Variants in EXOC4 observed in about 807,000 individuals in gnomAD.
EXOC4 encodes the protein exocyst complex component 4.
In EXOC4, 71 loss-of-function variants were observed where a neutral mutation model predicts 107.2. That is an observed-to-expected ratio of 0.66 (90% confidence interval 0.55 to 0.81). The LOEUF is 0.81. EXOC4 is among the 30% of genes least tolerant of loss of function. The probability of loss-of-function intolerance (pLI) is 0.00; values close to 1 mark genes in which losing one functional copy is unlikely to be tolerated. For missense variants in EXOC4, 1,108 were observed against 1,189.6 expected (o/e 0.93, Z 1.01); for synonymous variants, 456 against 441.2 (o/e 1.03, Z -0.42).
intron 12 of EXOC4, among the ~76,000 whole-genome samples, chr7:133,901,513 AT>A (rs1799450585): frequency 6.6e-6 from 1 of 152,280 alleles, no homozygotes; most frequent in South Asian, 2.1e-4. Flanking sequence ...TACTATTTAT[AT>A]GACACTGAAA....
chr7:134,037,027 A>G (rs940447373), intron 17 of EXOC4, among the ~76,000 whole-genome samples: 2 of 152,218 alleles, frequency 1.3e-5, no homozygotes, highest in African/African-American at 4.8e-5. Context: ...AATGTGTAAG[A>G]GGATTCTAGC....
intron 10 of EXOC4, among the ~76,000 whole-genome samples, chr7:133,816,667 G>C (rs1222659994): frequency 3.3e-5 from 5 of 152,158 alleles, no homozygotes; most frequent in African/African-American, 1.2e-4. Flanking sequence ...TGTTTCCACG[G>C]ACAAGGGTTG....
At chr7:134,065,997 GGT>G (rs1796169876), downstream of EXOC4, 1 of 152,290 alleles carries the variant, frequency 6.6e-6, no homozygotes, top group African/African-American at 2.4e-5. Context: ...GGCAGCTGGA[GGT>G]TCCAGGGGAT....
intron 10 of EXOC4, among the ~76,000 whole-genome samples, chr7:133,757,580 A>G (rs1585125385): frequency 1.3e-5 from 2 of 152,356 alleles, no homozygotes; most frequent in South Asian, 2.1e-4. Flanking sequence ...AAAAAGGACA[A>G]TAATCCCACA....
chr7:133,259,488 A>G (rs1197116568), intron 1 of EXOC4, among the ~76,000 whole-genome samples: 3 of 152,010 alleles, frequency 2.0e-5, no homozygotes, highest in Admixed American at 6.6e-5. Flanking sequence ...CGGCCTCCCA[A>G]AGTGTTGGGA....
intron 7 of EXOC4, among the ~76,000 whole-genome samples, chr7:133,387,597 TC>T (rs1261441456): frequency 6.6e-6 from 1 of 152,222 alleles, no homozygotes; most frequent in Non-Finnish European, 1.5e-5. Flanking sequence ...AAGGGGGTTT[TC>T]TAGGTTGCTT....
intron 12 of EXOC4, among the ~76,000 whole-genome samples, chr7:133,904,780 G>T (rs1563051653): frequency 6.6e-6 from 1 of 152,210 alleles, no homozygotes; most frequent in Admixed American, 6.5e-5. Flanking sequence ...TGCCCCCACG[G>T]TGCTGTTGCT....
intron 13 of EXOC4, chr7:133,930,515 A>G (rs1800152527): frequency 6.6e-6 from 1 of 152,058 alleles, no homozygotes; most frequent in Admixed American, 6.6e-5. Flanking sequence ...AGTTTCTAGT[A>G]TCAGTTTTCA....
intron 2 of EXOC4, among the ~76,000 whole-genome samples, chr7:133,276,306 G>A (rs1793989426): frequency 6.6e-6 from 1 of 152,110 alleles, no homozygotes; most frequent in Non-Finnish European, 1.5e-5. Flanking sequence ...GGGTTATGTA[G>A]TATAACATTA....
chr7:133,471,564 G>A (rs1448543838), intron 7 of EXOC4, among the ~76,000 whole-genome samples: 2 of 152,198 alleles, frequency 1.3e-5, no homozygotes, highest in African/African-American at 4.8e-5. Flanking sequence ...CATTTAGCCT[G>A]TGGTTAAAAA....
At chr7:134,100,000 C>T in the EXOC4 span, among the ~76,000 whole-genome samples, 1 of 151,906 alleles carries the variant, frequency 6.6e-6, no homozygotes, top group Non-Finnish European at 1.5e-5. Flanking sequence ...AGCCACTGCA[C>T]CTGGCCCTCC....
intron 17 of EXOC4, 68 bp from the exon 18 acceptor site, chr7:134,064,223 T>C: frequency 1.9e-5 from 20 of 1,056,310 alleles, no homozygotes; most frequent in Non-Finnish European, 2.7e-5. Context: ...ATAGACAGCG[T>C]ATTTGTCCCC....
At chr7:133,305,238 G>T (rs1289505373) in intron 3 of EXOC4, among the ~76,000 whole-genome samples, 3 of 152,108 alleles carry the variant, frequency 2.0e-5, no homozygotes, top group Non-Finnish European at 4.4e-5. Flanking sequence ...TGCACCGGGA[G>T]TATCTTCCTC....
rs868259276 is a variant in EXOC4, at chr7:133,294,897, C to T, written c.471+5781C>T. Among the ~76,000 whole-genome samples the T allele has an allele frequency of 7.2e-5, 11 of 152,072 alleles. 1 individual carries two copies. Among genetic ancestry groups the T allele is most frequent in the African/African-American group, 2.7e-4 (11 of 41,432 alleles). ...AGGTCGTCTGATGCTTGAATCCCAG[C>T]TTTGACTCTTAGTAGCTGGATGACT... On this transcript the variant is annotated intron_variant, in intron 3 of 17. Transcript: ENST00000253861.
chr7:133,479,385 C>T (rs1799099182), intron 8 of EXOC4: 2 of 152,104 alleles, frequency 1.3e-5, no homozygotes, highest in South Asian at 2.1e-4. Context: ...TGTTTCTAAC[C>T]TCTGAAATAG....
At chr7:133,306,772 A>G (rs1019486022) in intron 4 of EXOC4, among the ~76,000 whole-genome samples, 3 of 152,044 alleles carry the variant, frequency 2.0e-5, no homozygotes, top group East Asian at 1.9e-4. Flanking sequence ...ACTTAGGGTT[A>G]TGTTCAGCTT....
chr7:133,843,672 TG>T (rs1798065964), intron 11 of EXOC4, among the ~76,000 whole-genome samples: 1 of 152,182 alleles, frequency 6.6e-6, no homozygotes, highest in African/African-American at 2.4e-5. Flanking sequence ...TTTGTCTGAT[TG>T]CTGTGTCCAG....
chr7:133,597,335 C>G lies in EXOC4; in HGVS notation c.1418-32710C>G, dbSNP rs539741389. Among the ~76,000 whole-genome samples the G allele has an allele frequency of 4.0e-5, 6 of 151,786 alleles. No individual in the cohort carries two copies. The East Asian group carries it at 1.2e-3, about 30-fold the overall frequency. On this transcript the variant is annotated intron_variant, in intron 9 of 17. Coordinates refer to ENST00000253861, the MANE Select transcript of EXOC4 (RefSeq NM_021807.4). Reference sequence around the variant, plus strand: ...TTGGGAGGCCGAGGCGGGTGGATCACCTAAGATTAGGAGATCCAGACCAGC... The same window carrying G: ...TTGGGAGGCCGAGGCGGGTGGATCAGCTAAGATTAGGAGATCCAGACCAGC...
rs538176778 is a variant in EXOC4 at position 133,264,910 on chromosome 7, A to G, written c.87-10072A>G. Among the ~76,000 whole-genome samples, 4 of 152,266 alleles carry G rather than the reference A, an allele frequency of 2.6e-5. No individual in the cohort carries two copies. In the East Asian group the frequency reaches 7.7e-4, roughly 29 times the overall value. ...AGGCTTTTGTTTCCCTGATGACATA[A>G]TAGGTATATGGTACTGTCAGCCATT... On this transcript the variant is annotated intron_variant, in intron 1 of 17. Coordinates refer to ENST00000253861, the MANE Select transcript of EXOC4 (RefSeq NM_021807.4).
Sources: gnomAD v4.1 joint callset for allele counts (sites outside exome capture counted in the v4.1 genomes callset) on GRCh38, gnomAD v4.1.1 for gene constraint, MANE v1.5 for transcripts, NCBI Gene and HGNC (gene_info 2026-07-23, HGNC 2026-07-21) for gene names.